The following OR51B2 variants were observed in gnomAD, a reference collection of about 807,000 sequenced individuals.
The protein encoded by OR51B2 is olfactory receptor family 51 subfamily B member 2, also known as olfactory receptor 51B2.
For missense variants in OR51B2, 463 were observed against 380.1 expected (o/e 1.22, Z -1.81); for synonymous variants, 158 against 135.3 (o/e 1.17, Z -1.16).
At position 5,323,935 on chromosome 11, in the gene OR51B2, GAAACA is replaced by G; in HGVS notation, c.358_362del (p.Cys120HisfsTer17). 1 of 1,613,982 alleles carries G rather than the reference GAAACA, an allele frequency of 6.2e-7. No individual in the cohort carries two copies. The highest frequency in any genetic ancestry group is 8.5e-7 in the Non-Finnish European group (1 of 1,179,932). ...ATCTCAAAGGATTGCGGATGGCAAT[GAAACA>G]ATCATATGCCATTGCCAGGAGGGAA... On this transcript the variant is annotated frameshift_variant, in exon 1 of 1. Transcript: ENST00000624187. LOFTEE classifies it low-confidence loss of function (END_TRUNC).
chr11:5,324,275 G>A lies in OR51B2; in HGVS notation c.23C>T (p.Ala8Val). 1 of 1,613,056 alleles carries A rather than the reference G, an allele frequency of 6.2e-7. No homozygotes were observed. The highest frequency in any genetic ancestry group is 8.5e-7 in the Non-Finnish European group (1 of 1,179,506). The part of the protein sequence containing the change: MWPNITA[A>V]PFLLTGFPGL... ...TGGAAAGCCAGTCAGCAAAAAAGGGGCTGCAGTAATATTGGGCCACATAGT... is the reference window on the plus strand; with the variant it reads ...TGGAAAGCCAGTCAGCAAAAAAGGGACTGCAGTAATATTGGGCCACATAGT... Residue 8 changes from alanine (A) to valine (V), a missense_variant, in exon 1 of 1, where the codon GCC (alanine) becomes GTC (valine). Transcript: ENST00000624187.
At position 5,324,189 on chromosome 11, in the gene OR51B2, G is replaced by A; in HGVS notation, c.109C>T (p.Leu37Phe). The A allele has an allele frequency of 6.2e-7, 1 of 1,614,006 alleles. No individual in the cohort carries two copies. Among genetic ancestry groups the A allele is most frequent in the Non-Finnish European group, 8.5e-7 (1 of 1,179,938 alleles). Residue 37 changes from leucine to phenylalanine, a missense_variant, in exon 1 of 1, where the codon CTT becomes TTT. Leu to Phe is a conservative substitution (Grantham distance 22). Coordinates refer to ENST00000624187, the MANE Select transcript of OR51B2 (RefSeq NM_033180.5). The part of the protein sequence containing the change: ...IPFFAVYVCI[L>F]LGNGMLLYLI... Reference sequence around the variant, plus strand: ...TAGAGGAGCATGCCATTGCCCAGAAGGATGCACACATAAACAGCAAAGAAG... The same window carrying A: ...TAGAGGAGCATGCCATTGCCCAGAAAGATGCACACATAAACAGCAAAGAAG...
Position 5,323,541 on chromosome 11 carries a change from C to T in OR51B2, c.757G>A (p.Val253Met), listed in dbSNP as rs768082370. The change falls in exon 1 of 1, where the codon GTG becomes ATG. Residue 253 changes from valine (V) to methionine (M), a missense_variant. Transcript: ENST00000624187. The part of the protein sequence containing the change: ...ISCVLIFYVT[V>M]MGLTFIYRFG... The stretch of plus-strand genomic sequence containing the variant: ...CTGTAAATGAATGTCAAACCCATCA[C>T]TGTAACATAGAAGATAAGAACACAA... 25 of 1,613,528 alleles carry T rather than the reference C, an allele frequency of 1.5e-5. No homozygotes were observed. The African/African-American group carries it at 3.2e-4, about 21-fold the overall frequency.
chr11:5,323,868 C>A lies in OR51B2; in HGVS notation c.430G>T (p.Val144Leu). ...ACAAAACCCCTTAGAAACACTCCCA[C>A]TCCTAACGCTATGACTCTAGTATTG... is the stretch of plus-strand genomic sequence containing the variant. ...LTNTRVIALG[V>L]GVFLRGFVSI... is the part of the protein sequence containing the mutation. Residue 144 changes from valine (V) to leucine (L), a missense_variant, in exon 1 of 1, where the codon GTG (valine) becomes TTG (leucine). Physicochemically the swap from Val to Leu is conservative, Grantham distance 32. Transcript: ENST00000624187. 1 of 1,613,934 alleles carries A rather than the reference C, an allele frequency of 6.2e-7. No homozygotes were observed. Among genetic ancestry groups the A allele is most frequent in the African/African-American group, 1.3e-5 (1 of 75,012 alleles).
chr11:5,323,686 T>G lies in OR51B2; in HGVS notation c.612A>C (p.Thr204=), dbSNP rs375582627. 1 of 1,612,862 alleles carries G rather than the reference T, an allele frequency of 6.2e-7. No homozygotes were observed. Among genetic ancestry groups the G allele is most frequent in the Non-Finnish European group, 8.5e-7 (1 of 1,179,428 alleles). Reference sequence around the variant, plus strand: ...GGATGATCAGACAGTCTAGGAAGATTGTTAAAGAGATCAAAATTACAGGGT... The same window carrying G: ...GGATGATCAGACAGTCTAGGAAGATGGTTAAAGAGATCAAAATTACAGGGT... The part of the protein sequence containing the change: ...RLYPVILISL[T]IFLDCLIILF... The change falls in exon 1 of 1, where the codon ACA becomes ACC. Residue 204 remains threonine (T), a synonymous_variant. Transcript: ENST00000624187.
chr11:5,323,821 C>G lies in OR51B2; in HGVS notation c.477G>C (p.Leu159Phe). 6.2e-7 allele frequency: 1 copy of G among 1,613,746 alleles called. No homozygotes were observed. Among genetic ancestry groups the G allele is most frequent in the Non-Finnish European group, 8.5e-7 (1 of 1,179,918 alleles). The stretch of plus-strand genomic sequence containing the variant: ...TGCAATATGAAAATGAAAAAAGACG[C>G]AAAATTACAGGCAGGATGGATACAA... The part of the protein sequence containing the change: ...RGFVSILPVI[L>F]RLFSFSYCKS... The change falls in exon 1 of 1, where the codon TTG becomes TTC. Residue 159 changes from leucine to phenylalanine, a missense_variant. Physicochemically the swap from Leu to Phe is conservative, Grantham distance 22. Coordinates refer to ENST00000624187, the MANE Select transcript of OR51B2 (RefSeq NM_033180.5).
At position 5,323,405 on chromosome 11, in the gene OR51B2, T is replaced by G; in HGVS notation, c.893A>C (p.Gln298Pro). The change falls in exon 1 of 1, where the codon CAA (glutamine) becomes CCA (proline). Residue 298 changes from glutamine (Q) to proline (P), a missense_variant. Physicochemically the swap from Gln to Pro is moderately conservative, Grantham distance 76 (BLOSUM62 -1). Transcript: ENST00000624187. Reference sequence around the variant, plus strand: ...AGATAAAAGGCGGATAATGCCATATTGTATTTGCTTGGTTTTGATGCTGTA... The same window carrying G: ...AGATAAAAGGCGGATAATGCCATATGGTATTTGCTTGGTTTTGATGCTGTA... Reference protein sequence around the residue: ...VIYSIKTKQIQYGIIRLLSKH... With the variant: ...VIYSIKTKQIPYGIIRLLSKH... 1 of 1,613,624 alleles carries G rather than the reference T, an allele frequency of 6.2e-7. No individual in the cohort carries two copies. Among genetic ancestry groups the G allele is most frequent in the South Asian group, 1.1e-5 (1 of 91,050 alleles).
In OR51B2 at chr11:5,323,382, A is replaced by G. The variant is rs1848697181; in HGVS notation, c.916T>C (p.Ser306Pro). 6.2e-7 allele frequency: 1 copy of G among 1,611,440 alleles called. No homozygotes were observed. Among genetic ancestry groups the G allele is most frequent in the African/African-American group, 1.3e-5 (1 of 74,868 alleles). ...QIQYGIIRLL[S>P]KHRFSS ...GTTTAACTACTAAACCTATGTTTAG[A>G]TAAAAGGCGGATAATGCCATATTGT... The change falls in exon 1 of 1, where the codon TCT becomes CCT. Residue 306 changes from serine to proline, a missense_variant. Physicochemically the swap from Ser to Pro is moderately conservative, Grantham distance 74. Coordinates refer to ENST00000624187, the MANE Select transcript of OR51B2 (RefSeq NM_033180.5).
rs141676262 is a variant in OR51B2, at chr11:5,323,376, G to A, written c.922C>T (p.His308Tyr). Residue 308 changes from histidine (H) to tyrosine (Y), a missense_variant, in exon 1 of 1, where the codon CAT (histidine) becomes TAT (tyrosine). Physicochemically the swap from His to Tyr is moderately conservative, Grantham distance 83. Transcript: ENST00000624187. ...ATCCGAGTTTAACTACTAAACCTAT[G>A]TTTAGATAAAAGGCGGATAATGCCA... is the stretch of plus-strand genomic sequence containing the variant. ...QYGIIRLLSK[H>Y]RFSS is the part of the protein sequence containing the mutation. The A allele has an allele frequency of 3.0e-4, 487 of 1,609,422 alleles. No homozygotes were observed. Among genetic ancestry groups the A allele is most frequent in the Non-Finnish European group, 4.0e-4 (472 of 1,176,528 alleles).
chr11:5,323,744 A>C lies in OR51B2; in HGVS notation c.554T>G (p.Leu185Arg). 1.2e-6 allele frequency: 2 copies of C among 1,613,916 alleles called. No homozygotes were observed. Among genetic ancestry groups the C allele is most frequent in the Non-Finnish European group, 1.7e-6 (2 of 1,179,948 alleles). The change falls in exon 1 of 1, where the codon CTG becomes CGG. Residue 185 changes from leucine to arginine, a missense_variant. Physicochemically the swap from Leu to Arg is moderately radical, Grantham distance 102. Transcript: ENST00000624187. ...ATTGAAAGTTATGTCAGCACAAGCC[A>C]GTCTCATGATTTCTTGGTGGAGGCA... ...AFCLHQEIMR[L>R]ACADITFNRL...
Position 5,323,959 on chromosome 11 carries a change from G to A in OR51B2, c.339C>T (p.Leu113=). The A allele has an allele frequency of 6.2e-7, 1 of 1,613,996 alleles. No individual in the cohort carries two copies. The highest frequency in any genetic ancestry group is 8.5e-7 in the Non-Finnish European group (1 of 1,179,988). Residue 113 remains leucine (L), a synonymous_variant, in exon 1 of 1, where the codon CTC becomes CTT. Coordinates refer to ENST00000624187, the MANE Select transcript of OR51B2 (RefSeq NM_033180.5). ...HSLSVVESGS[L]LAMAYDCFIA... ...TGAAACAATCATATGCCATTGCCAG[G>A]AGGGAACCTGATTCCACAACAGAAA...
Position 5,324,046 on chromosome 11 carries a change from C to A in OR51B2, c.252G>T (p.Trp84Cys). ...TTMPTVMGIL[W>C]VNHREISSVG... ...CACTGCTAATCTCCCTGTGATTCAC[C>A]CATAGGATGCCCATTACAGTAGGCA... Residue 84 changes from tryptophan to cysteine, a missense_variant, in exon 1 of 1, where the codon TGG becomes TGT. Transcript: ENST00000624187. 6.2e-7 allele frequency: 1 copy of A among 1,613,780 alleles called. No homozygotes were observed. Among genetic ancestry groups the A allele is most frequent in the South Asian group, 1.1e-5 (1 of 91,066 alleles).
In OR51B2 at chr11:5,323,469, T is replaced by C. The variant is rs763296093; in HGVS notation, c.829A>G (p.Ile277Val). Residue 277 changes from isoleucine to valine, a missense_variant, in exon 1 of 1, where the codon ATC (isoleucine) becomes GTC (valine). Transcript: ENST00000624187. ...ATTAAAGGAGGAAAGAGGAAGTAGA[T>C]GTAACTCATGATAATGTGGACAACC... ...PEVVHIIMSY[I>V]YFLFPPLMNP... is the part of the protein sequence containing the mutation. 1 of 1,613,492 alleles carries C rather than the reference T, an allele frequency of 6.2e-7. No individual in the cohort carries two copies. Among genetic ancestry groups the C allele is most frequent in the Non-Finnish European group, 8.5e-7 (1 of 1,179,468 alleles).
Position 5,324,064 on chromosome 11 carries a change from A to T in OR51B2, c.234T>A (p.Thr78=), listed in dbSNP as rs779498626. The T allele has an allele frequency of 6.2e-7, 1 of 1,613,912 alleles. No individual in the cohort carries two copies. The highest frequency in any genetic ancestry group is 8.5e-7 in the Non-Finnish European group (1 of 1,179,894). ...DLMVTLTTMP[T]VMGILWVNHR... ...GATTCACCCATAGGATGCCCATTAC[A>T]GTAGGCATCGTGGTCAATGTCACCA... The change falls in exon 1 of 1, where the codon ACT becomes ACA. Residue 78 remains threonine (T), a synonymous_variant. Coordinates refer to ENST00000624187, the MANE Select transcript of OR51B2 (RefSeq NM_033180.5).
Position 5,324,111 on chromosome 11 carries a change from T to C in OR51B2, c.187A>G (p.Met63Val). The change falls in exon 1 of 1, where the codon ATG becomes GTG. Residue 63 changes from methionine to valine, a missense_variant. By Grantham distance (21) the Met-to-Val change is conservative. Coordinates refer to ENST00000624187, the MANE Select transcript of OR51B2 (RefSeq NM_033180.5). ...LHEPMYYFLT[M>V]LAGTDLMVTL... ...ACCATGAGGTCTGTGCCTGCCAGCA[T>C]GGTGAGGAAGTAGTACATGGGCTCA... 6.2e-7 allele frequency: 1 copy of C among 1,613,906 alleles called. No individual in the cohort carries two copies. The highest frequency in any genetic ancestry group is 8.5e-7 in the Non-Finnish European group (1 of 1,179,922).
Position 5,323,893 on chromosome 11 carries a change from G to A in OR51B2, c.405C>T (p.Thr135=), listed in dbSNP as rs1489196709. The part of the protein sequence containing the change: ...RNPLRYASIL[T]NTRVIALGVG... ...CTCCTAACGCTATGACTCTAGTATT[G>A]GTGAGAATGGAAGCATATCTCAAAG... is the stretch of plus-strand genomic sequence containing the variant. Residue 135 remains threonine, a synonymous_variant, in exon 1 of 1, where the codon ACC becomes ACT. Transcript: ENST00000624187. The A allele has an allele frequency of 2.5e-6, 4 of 1,613,950 alleles. No homozygotes were observed. The Admixed American group carries it at 5.0e-5, about 20-fold the overall frequency.
chr11:5,323,810 G>T lies in OR51B2; in HGVS notation c.488C>A (p.Ser163Ter), dbSNP rs1423803155. The T allele has an allele frequency of 6.2e-7, 1 of 1,613,830 alleles. No individual in the cohort carries two copies. Among genetic ancestry groups the T allele is most frequent in the Non-Finnish European group, 8.5e-7 (1 of 1,179,956 alleles). ...AACATGAGATTTGCAATATGAAAATGAAAAAAGACGCAAAATTACAGGCAG... is the reference window on the plus strand; with the variant it reads ...AACATGAGATTTGCAATATGAAAATTAAAAAAGACGCAAAATTACAGGCAG... ...SILPVILRLF[S>*]FSYCKSHVIT... is the part of the protein sequence containing the mutation. Residue 163 changes from serine (S) to a stop codon, truncating the protein, a stop_gained, in exon 1 of 1, where the codon TCA becomes TAA. Coordinates refer to ENST00000624187, the MANE Select transcript of OR51B2 (RefSeq NM_033180.5). LOFTEE classifies it low-confidence loss of function (END_TRUNC).
rs774521496 is a variant in OR51B2, at chr11:5,323,588, T to C, written c.710A>G (p.Asn237Ser). The C allele has an allele frequency of 3.1e-6, 5 of 1,612,974 alleles. No individual in the cohort carries two copies. Among genetic ancestry groups the C allele is most frequent in the South Asian group, 1.1e-5 (1 of 91,050 alleles). Residue 237 changes from asparagine to serine, a missense_variant, in exon 1 of 1, where the codon AAT (asparagine) becomes AGT (serine). Asn to Ser is a conservative substitution (Grantham distance 46). Transcript: ENST00000624187. ...ACAACTAATGTGGGAGATACAGGTA[T>C]TGAGGGCTTTGGCTCTCTCTTCACC... The part of the protein sequence containing the change: ...ASGEERAKAL[N>S]TCISHISCVL...
Position 5,324,283 on chromosome 11 carries a change from A to G in OR51B2, c.15T>C (p.Ile5=). 6.2e-7 allele frequency: 1 copy of G among 1,612,154 alleles called. No individual in the cohort carries two copies. Among genetic ancestry groups the G allele is most frequent in the Non-Finnish European group, 8.5e-7 (1 of 1,178,944 alleles). Residue 5 remains isoleucine, a synonymous_variant, in exon 1 of 1, where the codon ATT becomes ATC. Transcript: ENST00000624187. MWPN[I]TAAPFLLTGF... ...CAGTCAGCAAAAAAGGGGCTGCAGT[A>G]ATATTGGGCCACATAGTGTATCCAC...
Sources: gnomAD v4.1 joint callset for allele counts on GRCh38, gnomAD v4.1.1 for gene constraint, MANE v1.5 for transcripts, NCBI Gene and HGNC (gene_info 2026-07-23, HGNC 2026-07-21) for gene names.